NECAB1: variants seen among roughly 807,000 people sequenced by gnomAD.
NECAB1 encodes N-terminal EF-hand calcium-binding protein 1.
A neutral mutation model predicts 57.5 loss-of-function variants in NECAB1; 29 were observed. The observed-to-expected ratio is 0.50, with a 90% CI of 0.38 to 0.69. The LOEUF (loss-of-function observed/expected upper bound fraction) is 0.69. Among genes scored for constraint, NECAB1 ranks in the 30% least tolerant of loss-of-function variants. NECAB1 has a pLI of 0.00. For synonymous variants in NECAB1, 142 were observed against 147.7 expected, an observed-to-expected ratio of 0.96 and a Z score of 0.28; for missense variants, 372 against 413.8, an observed-to-expected ratio of 0.90 and a Z score of 0.88.
At chr8:90,823,057 A>G (rs1313327618) in intron 2 of NECAB1, among the ~76,000 whole-genome samples, 1 of 151,834 alleles carries the variant, frequency 6.6e-6, no homozygotes, top group Non-Finnish European at 1.5e-5. Context: ...AAATAGTCAT[A>G]TGAGGCATAA....
chr8:90,947,466 T>A (rs1393856176), intron 10 of NECAB1, among the ~76,000 whole-genome samples: 2 of 151,328 alleles, frequency 1.3e-5, no homozygotes, highest in East Asian at 3.9e-4. Flanking sequence ...AGTGGCTTGA[T>A]CTTGGCTCAC....
At chr8:90,921,917 TG>T (rs1411651545) in intron 6 of NECAB1, among the ~76,000 whole-genome samples, 1 of 152,234 alleles carries the variant, frequency 6.6e-6, no homozygotes, top group African/African-American at 2.4e-5. Context: ...CATGCCATGT[TG>T]GGCAAAATGT....
At chr8:90,912,797 G>A (rs1297678308) in intron 5 of NECAB1, among the ~76,000 whole-genome samples, 3 of 152,162 alleles carry the variant, frequency 2.0e-5, no homozygotes, top group African/African-American at 7.2e-5. Flanking sequence ...CATAGATAAT[G>A]TGTGTAGCCC....
chr8:90,849,102 A>G (rs1352899189), intron 3 of NECAB1, among the ~76,000 whole-genome samples: 1 of 152,126 alleles, frequency 6.6e-6, no homozygotes, highest in Non-Finnish European at 1.5e-5. Context: ...TCAAGGTGAG[A>G]TTTGGATGGG....
At chr8:90,948,763 T>C (rs1007993147) in intron 10 of NECAB1, among the ~76,000 whole-genome samples, 18 of 152,230 alleles carry the variant, frequency 1.2e-4, no homozygotes, top group African/African-American at 4.3e-4. Flanking sequence ...ATTTCTCACC[T>C]ATGCTATTTC....
At chr8:90,878,547 C>T (rs981316874) in intron 4 of NECAB1, among the ~76,000 whole-genome samples, 3 of 152,144 alleles carry the variant, frequency 2.0e-5, no homozygotes, top group Non-Finnish European at 2.9e-5. Flanking sequence ...GCTGCACCAC[C>T]TCAAAATAAT....
chr8:90,883,047 A>G (rs1482267411), intron 5 of NECAB1, among the ~76,000 whole-genome samples: 1 of 152,120 alleles, frequency 6.6e-6, no homozygotes, highest in Non-Finnish European at 1.5e-5. Context: ...AATCTTCTTT[A>G]TTTCCTCAGA....
chr8:90,901,017 T>C (rs1348665027), intron 5 of NECAB1, among the ~76,000 whole-genome samples: 1 of 152,188 alleles, frequency 6.6e-6, no homozygotes, highest in Non-Finnish European at 1.5e-5. Context: ...AATTAGAATC[T>C]AAAAATTTAC....
chr8:90,866,479 A>G (rs1808515274), intron 3 of NECAB1, among the ~76,000 whole-genome samples: 1 of 152,222 alleles, frequency 6.6e-6, no homozygotes, highest in African/African-American at 2.4e-5. Flanking sequence ...TGCACTGGTA[A>G]TATTCAGACT....
chr8:90,931,952 A>T (rs2740790), intron 8 of NECAB1, among the ~76,000 whole-genome samples: 1 of 151,736 alleles, frequency 6.6e-6, no homozygotes, highest in Non-Finnish European at 1.5e-5. Flanking sequence ...ACAAAAAAAA[A>T]CCCCACCTTT....
intron 5 of NECAB1, among the ~76,000 whole-genome samples, chr8:90,912,567 G>A (rs1809854682): frequency 6.6e-6 from 1 of 151,908 alleles, no homozygotes. Flanking sequence ...TTAATCCTTG[G>A]GAATCTGTAG....
intron 12 of NECAB1, among the ~76,000 whole-genome samples, chr8:90,953,152 G>A (rs1182194103): frequency 6.6e-6 from 1 of 152,172 alleles, no homozygotes; most frequent in African/African-American, 2.4e-5. Flanking sequence ...TTAGTGTCTT[G>A]AGTCTTTCCA....
In NECAB1 at chr8:90,957,163, G is replaced by A. The variant is rs1389886472; in HGVS notation, c.*1651G>A. ...AGACACATAACAGTCTCTGCAGACT[G>A]ATTGTATATAGTAAGAAAAGATCAA... is the stretch of plus-strand genomic sequence containing the variant. On this transcript the variant is annotated 3_prime_UTR_variant, in exon 13 of 13. Transcript: ENST00000417640. The A allele has an allele frequency of 6.6e-6, 1 of 151,956 alleles. No individual in the cohort carries two copies. Among genetic ancestry groups the A allele is most frequent in the African/African-American group, 2.4e-5 (1 of 41,400 alleles). 9.4% of individuals were successfully genotyped at this position (151,956 alleles called of 1,614,324 possible). A position where few individuals can be genotyped will look rare whatever the true frequency, so the allele number is the denominator to read the frequency against.
chr8:90,823,062 G>T (rs1435895594), intron 2 of NECAB1, among the ~76,000 whole-genome samples: 2 of 151,666 alleles, frequency 1.3e-5, no homozygotes, highest in Non-Finnish European at 2.9e-5. Flanking sequence ...GTCATATGAG[G>T]CATAAAACTA....
chr8:90,928,883 T>G (rs1810340869), intron 8 of NECAB1, among the ~76,000 whole-genome samples: 1 of 152,212 alleles, frequency 6.6e-6, no homozygotes, highest in South Asian at 2.1e-4. Flanking sequence ...TTTTTATTAA[T>G]TTAGTTAGTA....
intron 2 of NECAB1, among the ~76,000 whole-genome samples, chr8:90,802,625 CAT>C (rs1228303099): frequency 6.6e-6 from 1 of 152,132 alleles, no homozygotes; most frequent in Non-Finnish European, 1.5e-5. Flanking sequence ...AGTTTAAAGA[CAT>C]ATGTTGTGGT....
intron 12 of NECAB1, among the ~76,000 whole-genome samples, chr8:90,954,045 G>C (rs1180037924): frequency 6.7e-6 from 1 of 149,938 alleles, no homozygotes; most frequent in Non-Finnish European, 1.5e-5. Context: ...CTCCAGCCTG[G>C]GTGACAGAAC....
intron 5 of NECAB1, among the ~76,000 whole-genome samples, chr8:90,916,699 T>A (rs1809961530): frequency 6.6e-6 from 1 of 152,184 alleles, no homozygotes; most frequent in Non-Finnish European, 1.5e-5. Flanking sequence ...GTTTTTGTTG[T>A]TGGTTCTCCC....
At chr8:90,823,027 G>A (rs1226380079) in intron 2 of NECAB1, among the ~76,000 whole-genome samples, 2 of 151,660 alleles carry the variant, frequency 1.3e-5, no homozygotes, top group African/African-American at 4.8e-5. Flanking sequence ...TATCCATCAG[G>A]TTACATGGGG....
Sources: gnomAD v4.1 joint callset for allele counts (sites outside exome capture counted in the v4.1 genomes callset) on GRCh38, gnomAD v4.1.1 for gene constraint, MANE v1.5 for transcripts, NCBI Gene and HGNC (gene_info 2026-07-23, HGNC 2026-07-21) for gene names.